Variants in PLCL1 observed in about 807,000 individuals in gnomAD.
PLCL1 encodes the protein inactive phospholipase C-like protein 1.
In PLCL1, 41 loss-of-function variants were observed where a neutral mutation model predicts 84.4. The observed-to-expected ratio is 0.49, with a 90% CI of 0.38 to 0.63. PLCL1 has a LOEUF of 0.63. Among genes scored for constraint, PLCL1 ranks in the 30% least tolerant of loss-of-function variants. The pLI is 0.00. For synonymous variants in PLCL1, 490 were observed against 488.3 expected, an observed-to-expected ratio of 1.00 and a Z score of -0.05; for missense variants, 1,206 against 1,367.8, an observed-to-expected ratio of 0.88 and a Z score of 1.87.
At chr2:198,002,132 T>C (rs564961665) in intron 1 of PLCL1, 8 of 228,058 alleles carry the variant, frequency 3.5e-5, no homozygotes, top group Admixed American at 1.3e-4. Context: ...ATGGAAAAAT[T>C]GTCTTCCACA....
intron 1 of PLCL1, among the ~76,000 whole-genome samples, chr2:197,926,590 T>C (rs117723691): frequency 1.3e-5 from 2 of 152,272 alleles, no homozygotes; most frequent in East Asian, 3.9e-4. Context: ...TGACCATAAA[T>C]AAAAACCCAC....
intron 5 of PLCL1, among the ~76,000 whole-genome samples, chr2:198,138,390 A>C (rs1694307676): frequency 6.6e-6 from 1 of 152,092 alleles, no homozygotes; most frequent in Admixed American, 6.6e-5. Context: ...ACAAGGAGGA[A>C]ATCTGCCCCT....
intron 1 of PLCL1, among the ~76,000 whole-genome samples, chr2:197,938,642 G>C (rs1291774410): frequency 1.3e-5 from 2 of 152,094 alleles, no homozygotes; most frequent in Admixed American, 6.6e-5. Flanking sequence ...AGGGCCAGGG[G>C]AACACATACC....
Position 197,805,432 on chromosome 2 carries a change from G to C in PLCL1, c.240+93G>C. On this transcript the variant is annotated intron_variant, in intron 1 of 5. Transcript: ENST00000428675. This position sits in a 1 kb window ranked among gnomAD's most constrained non-coding sequence, Gnocchi z 4.0. ...ATGTGCGGTGTCCGGAGGCATCCGG[G>C]CTCAGCATTGTTTTCTCCCACCTCC... The C allele has an allele frequency of 8.6e-7, 1 of 1,157,920 alleles. No individual in the cohort carries two copies. The highest frequency in any genetic ancestry group is 1.1e-6 in the Non-Finnish European group (1 of 911,568). 71.7% of individuals were successfully genotyped at this position (1,157,920 alleles called of 1,614,324 possible). A position where few individuals can be genotyped will look rare whatever the true frequency, so the allele number is the denominator to read the frequency against.
intron 1 of PLCL1, among the ~76,000 whole-genome samples, chr2:197,902,615 G>C (rs1688289477): frequency 6.6e-6 from 1 of 152,228 alleles, no homozygotes; most frequent in African/African-American, 2.4e-5. Flanking sequence ...AGATATAAAA[G>C]TGAACATACT....
chr2:197,894,465 T>C (rs1165593250), intron 1 of PLCL1, among the ~76,000 whole-genome samples: 1 of 152,026 alleles, frequency 6.6e-6, no homozygotes, highest in South Asian at 2.1e-4. Context: ...TATAATTACA[T>C]GGGAGAAGAG....
At chr2:198,099,246 G>A (rs907798388) in intron 3 of PLCL1, among the ~76,000 whole-genome samples, 12 of 151,896 alleles carry the variant, frequency 7.9e-5, no homozygotes, top group African/African-American at 2.4e-4. Context: ...TGGCTTTTGC[G>A]CTTTGTATTT....
intron 3 of PLCL1, among the ~76,000 whole-genome samples, chr2:198,090,218 T>A (rs2105902959): frequency 6.6e-6 from 1 of 152,266 alleles, no homozygotes; most frequent in African/African-American, 2.4e-5. Context: ...GAAGAATATG[T>A]AATGGTATGG....
chr2:198,034,291 A>C (rs1691501972), intron 1 of PLCL1, among the ~76,000 whole-genome samples: 1 of 152,200 alleles, frequency 6.6e-6, no homozygotes, highest in Admixed American at 6.5e-5. Flanking sequence ...GATGGTTTCC[A>C]ACTTCATCTA....
intron 1 of PLCL1, among the ~76,000 whole-genome samples, chr2:197,951,467 G>A (rs1408737198): frequency 2.0e-5 from 3 of 152,116 alleles, no homozygotes; most frequent in Non-Finnish European, 4.4e-5. Context: ...TTAGAAAAGA[G>A]TCAGTTCCTT....
chr2:197,921,606 A>G (rs1470699412), intron 1 of PLCL1, among the ~76,000 whole-genome samples: 1 of 152,252 alleles, frequency 6.6e-6, no homozygotes, highest in African/African-American at 2.4e-5. Flanking sequence ...AGAAACAAGC[A>G]TACCTGTACT....
Position 197,910,078 on chromosome 2 carries a change from C to G in PLCL1, c.240+104739C>G, listed in dbSNP as rs919664137. 1.6e-4 allele frequency among the ~76,000 whole-genome samples: 25 copies of G among 152,178 alleles called. 1 individual carries two copies. Among genetic ancestry groups the G allele is most frequent in the Admixed American group, 2.6e-4 (4 of 15,270 alleles). On this transcript the variant is annotated intron_variant, in intron 1 of 5. Transcript: ENST00000428675. ...TCTTCATCTGTAAACTGGGGTTAAC[C>G]ATGCCTATTGCACAGGGATTTAGGT... is the stretch of plus-strand genomic sequence containing the variant.
chr2:197,869,692 A>G (rs998365116), intron 1 of PLCL1, among the ~76,000 whole-genome samples: 6 of 152,208 alleles, frequency 3.9e-5, no homozygotes, highest in Non-Finnish European at 5.9e-5. Context: ...TGCAGAGAGC[A>G]AAACAATGGG....
At chr2:198,055,525 T>TC (rs1692049253) in intron 1 of PLCL1, among the ~76,000 whole-genome samples, 1 of 149,562 alleles carries the variant, frequency 6.7e-6, no homozygotes, top group Non-Finnish European at 1.5e-5. Flanking sequence ...TATTTTGTTT[T>TC]TTTTTTTTCA....
chr2:197,807,177 T>G (rs1008821229), intron 1 of PLCL1, among the ~76,000 whole-genome samples: 1 of 152,216 alleles, frequency 6.6e-6, no homozygotes, highest in African/African-American at 2.4e-5. Flanking sequence ...AATCAAATGT[T>G]GCAAAGGAGT....
chr2:197,832,900 A>G (rs1559018997), intron 1 of PLCL1, among the ~76,000 whole-genome samples: 1 of 152,258 alleles, frequency 6.6e-6, no homozygotes, highest in Admixed American at 6.5e-5. Flanking sequence ...AATGACAAAA[A>G]ACACATGATT....
At chr2:197,972,341 A>T (rs182784005) in intron 1 of PLCL1, among the ~76,000 whole-genome samples, 1 of 152,238 alleles carries the variant, frequency 6.6e-6, no homozygotes, top group East Asian at 1.9e-4. Context: ...TTCTACCTCA[A>T]CAAATTACAT....
chr2:197,904,030 T>TG (rs1478126499), intron 1 of PLCL1, among the ~76,000 whole-genome samples: 1 of 148,182 alleles, frequency 6.7e-6, no homozygotes, highest in Non-Finnish European at 1.5e-5. Context: ...CTCGAACTCC[T>TG]GGCCTTAGGC....
At chr2:197,934,301 A>G (rs957891543) in intron 1 of PLCL1, among the ~76,000 whole-genome samples, 1 of 152,248 alleles carries the variant, frequency 6.6e-6, no homozygotes, top group East Asian at 1.9e-4. Flanking sequence ...GATGATATAT[A>G]ATATGATAAA....
Sources: gnomAD v4.1 joint callset for allele counts (sites outside exome capture counted in the v4.1 genomes callset) on GRCh38, gnomAD v4.1.1 for gene constraint, Gnocchi (gnomAD v3.1) non-coding constraint, MANE v1.5 for transcripts, NCBI Gene and HGNC (gene_info 2026-07-23, HGNC 2026-07-21) for gene names.